Variants in CA10 observed in about 807,000 individuals in gnomAD.
The protein encoded by CA10 is carbonic anhydrase 10 (inactive).
In CA10, 14 loss-of-function variants were observed where a neutral mutation model predicts 44.2. The observed-to-expected ratio is 0.32, with a 90% confidence interval of 0.21 to 0.50. CA10 has a LOEUF of 0.50. CA10 is among the 20% of genes least tolerant of loss of function. CA10 has a pLI of 0.99. For synonymous variants in CA10, 159 were observed against 141.6 expected (o/e 1.12, Z -0.87); for missense variants, 350 against 409.7 (o/e 0.85, Z 1.26).
intron 4 of CA10, among the ~76,000 whole-genome samples, chr17:51,714,930 T>C (rs1288706157): frequency 1.3e-5 from 2 of 152,222 alleles, no homozygotes; most frequent in Non-Finnish European, 2.9e-5. Flanking sequence ...AGAGCCCTTT[T>C]CTCAAATTAT....
chr17:52,003,637 G>C (rs1170196385), intron 2 of CA10, among the ~76,000 whole-genome samples: 2 of 151,860 alleles, frequency 1.3e-5, no homozygotes, highest in Non-Finnish European at 2.9e-5. Flanking sequence ...TTTATCCAAT[G>C]ATACTGGAGT....
At chr17:51,922,404 T>C (rs1375213618) in intron 3 of CA10, among the ~76,000 whole-genome samples, 2 of 152,204 alleles carry the variant, frequency 1.3e-5, no homozygotes, top group Non-Finnish European at 2.9e-5. Context: ...AATGGAGGTA[T>C]ACATTGTCTT....
At chr17:52,001,701 T>C (rs1398378050) in intron 2 of CA10, among the ~76,000 whole-genome samples, 1 of 152,008 alleles carries the variant, frequency 6.6e-6, no homozygotes, top group African/African-American at 2.4e-5. Flanking sequence ...CTGCACTGTA[T>C]AGAAATAGGC....
At chr17:52,153,887 C>T (rs1234829694) in intron 1 of CA10, among the ~76,000 whole-genome samples, 3 of 152,140 alleles carry the variant, frequency 2.0e-5, no homozygotes, top group Non-Finnish European at 4.4e-5. Context: ...ACATGTGACA[C>T]GTGTACTGTT....
rs5820877 is a variant in CA10 at position 51,756,064 on chromosome 17, A to AT, written c.280-8247dup. 2.2e-3 allele frequency among the ~76,000 whole-genome samples: 322 copies of AT among 148,354 alleles called. 1 individual carries two copies. Among genetic ancestry groups the AT allele is most frequent in the African/African-American group, 2.1e-3 (86 of 40,760 alleles). ...TTTGGGATACAGTCTTCTTCAGCAG[A>AT]TTTTTTTTTTTTTTAACCAACAAGA... On this transcript the variant is annotated intron_variant, in intron 3 of 8. Coordinates refer to ENST00000451037, the MANE Select transcript of CA10 (RefSeq NM_020178.5).
At chr17:51,692,413 A>ATCTATCTATCTATCTG (rs1555585283) in intron 4 of CA10, among the ~76,000 whole-genome samples, 1 of 125,246 alleles carries the variant, frequency 8.0e-6, no homozygotes, top group African/African-American at 2.6e-5. Context: ...CTATCTATCT[A>ATCTATCTATCTATCTG]TCTATCTATC....
chr17:51,771,337 A>G (rs1177091228), intron 3 of CA10, among the ~76,000 whole-genome samples: 1 of 152,092 alleles, frequency 6.6e-6, no homozygotes, highest in Admixed American at 6.6e-5. Context: ...TGTTTTATAG[A>G]TGTGAAAAGG....
intron 8 of CA10, among the ~76,000 whole-genome samples, chr17:51,633,114 A>AAAG (rs77832820): frequency 0.45 from 68,374 of 151,612 alleles, 15,590 homozygotes; most frequent in South Asian, 0.57. Context: ...ATGGCAATAA[A>AAAG]AAGCTGTCTT....
At chr17:51,650,745 T>C (rs1305526052) in intron 5 of CA10, among the ~76,000 whole-genome samples, 1 of 152,202 alleles carries the variant, frequency 6.6e-6, no homozygotes. Context: ...GTTATGTACC[T>C]TACTTCCTGG....
chr17:52,006,952 A>T (rs542203660), intron 2 of CA10, among the ~76,000 whole-genome samples: 13 of 151,754 alleles, frequency 8.6e-5, no homozygotes, highest in Non-Finnish European at 1.8e-4. Flanking sequence ...TGCACGTTAT[A>T]ATTTTTTGAT....
chr17:51,641,369 A>G (rs749889116), intron 6 of CA10, among the ~76,000 whole-genome samples: 1 of 152,306 alleles, frequency 6.6e-6, no homozygotes, highest in Admixed American at 6.5e-5. Flanking sequence ...GGAAAATTGC[A>G]TCTTCAGGTA....
At chr17:52,106,645 T>C (rs1988668232) in intron 1 of CA10, among the ~76,000 whole-genome samples, 1 of 152,174 alleles carries the variant, frequency 6.6e-6, no homozygotes, top group Non-Finnish European at 1.5e-5. Flanking sequence ...TAACAGGCTA[T>C]GCTACAACTC....
chr17:52,096,019 C>T (rs564792664), intron 1 of CA10, among the ~76,000 whole-genome samples: 3 of 152,174 alleles, frequency 2.0e-5, no homozygotes, highest in African/African-American at 7.2e-5. Flanking sequence ...TTTGTTGAAC[C>T]TTTGCCCCCT....
At chr17:51,959,782 A>T (rs1247921353) in intron 2 of CA10, among the ~76,000 whole-genome samples, 3 of 129,266 alleles carry the variant, frequency 2.3e-5, no homozygotes, top group Non-Finnish European at 4.8e-5. Flanking sequence ...TGGGAGACTG[A>T]TTACCTGCTA....
intron 1 of CA10, among the ~76,000 whole-genome samples, chr17:52,107,802 A>C (rs1567735709): frequency 6.6e-6 from 1 of 152,180 alleles, no homozygotes; most frequent in African/African-American, 2.4e-5. Context: ...GACACAGTTC[A>C]AAGAAGACAT....
intron 3 of CA10, among the ~76,000 whole-genome samples, chr17:51,828,037 C>T (rs1908094220): frequency 6.6e-6 from 1 of 152,176 alleles, no homozygotes; most frequent in African/African-American, 2.4e-5. Flanking sequence ...ACATGAACTT[C>T]CACTACACCC....
At chr17:51,962,276 A>G (rs962811418) in intron 2 of CA10, among the ~76,000 whole-genome samples, 1 of 152,220 alleles carries the variant, frequency 6.6e-6, no homozygotes, top group African/African-American at 2.4e-5. Flanking sequence ...AACTTCAGGC[A>G]AAAAAGGTTT....
At chr17:51,826,323 G>A (rs1908008067) in intron 3 of CA10, among the ~76,000 whole-genome samples, 1 of 152,222 alleles carries the variant, frequency 6.6e-6, no homozygotes, top group Non-Finnish European at 1.5e-5. Flanking sequence ...CACCAGGTTG[G>A]TTCCGGGAAA....
At chr17:52,127,405 C>A (rs759994684) in intron 1 of CA10, among the ~76,000 whole-genome samples, 2 of 152,124 alleles carry the variant, frequency 1.3e-5, no homozygotes, top group African/African-American at 2.4e-5. Flanking sequence ...ATATGGTTCC[C>A]AGCACACATG....
Sources: allele counts gnomAD v4.1 joint callset (sites outside exome capture counted in the v4.1 genomes callset), GRCh38; gene constraint gnomAD v4.1.1; transcripts MANE v1.5; gene names NCBI Gene and HGNC (gene_info 2026-07-23, HGNC 2026-07-21).